Variants in ABCB5 observed in about 807,000 individuals in gnomAD.
The protein encoded by ABCB5 is ATP binding cassette subfamily B member 5.
In ABCB5, 155 loss-of-function variants were observed where a neutral mutation model predicts 144.2. That is an observed-to-expected ratio of 1.08 (90% CI 0.94 to 1.23). The LOEUF is 1.23. Among genes scored for constraint, ABCB5 ranks in the 50% most tolerant of loss-of-function variants. The pLI is 0.00. For missense variants in ABCB5, 1,830 were observed against 1,520.8 expected (o/e 1.20, Z -3.38); for synonymous variants, 610 against 528.6 (o/e 1.15, Z -2.11).
intron 13 of ABCB5, among the ~76,000 whole-genome samples, chr7:20,653,035 G>A (rs530136535): frequency 5.3e-4 from 81 of 152,220 alleles, no homozygotes; most frequent in African/African-American, 1.9e-3. Flanking sequence ...AAGATTTAAG[G>A]TGCTTCTTAA....
chr7:20,646,768 T>C (rs1293655463), intron 9 of ABCB5, among the ~76,000 whole-genome samples: 1 of 152,230 alleles, frequency 6.6e-6, no homozygotes, highest in Non-Finnish European at 1.5e-5. Flanking sequence ...TATACTTTGA[T>C]CCTTGTTTGG....
At chr7:20,726,625 C>T (rs1342317018) in intron 21 of ABCB5, among the ~76,000 whole-genome samples, 1 of 152,036 alleles carries the variant, frequency 6.6e-6, no homozygotes, top group African/African-American at 2.4e-5. Flanking sequence ...CCTTGGCCTC[C>T]CAAAGTACTG....
chr7:20,719,412 C>G (rs974966258), intron 20 of ABCB5, among the ~76,000 whole-genome samples: 1 of 152,184 alleles, frequency 6.6e-6, no homozygotes, highest in East Asian at 1.9e-4. Flanking sequence ...GACTCCTTTT[C>G]TATCTTGATA....
chr7:20,620,082 T>C (rs1783777342), intron 1 of ABCB5, among the ~76,000 whole-genome samples: 1 of 152,220 alleles, frequency 6.6e-6, no homozygotes, highest in South Asian at 2.1e-4. Context: ...AGCCTTATAG[T>C]ATACTTTGAA....
intron 7 of ABCB5, among the ~76,000 whole-genome samples, chr7:20,644,810 A>G (rs551588224): frequency 1.1e-4 from 16 of 152,340 alleles, no homozygotes; most frequent in African/African-American, 3.4e-4. Context: ...CTATTCTATA[A>G]TGGCTAATCC....
At chr7:20,650,228 T>A in intron 12 of ABCB5, 81 bp downstream of exon 12, 1 of 1,533,996 alleles carries the variant, frequency 6.5e-7, no homozygotes, top group Non-Finnish European at 8.8e-7. Context: ...CTGTAACTTT[T>A]CATTTTCAAC....
Position 20,739,072 on chromosome 7 carries a change from C to T in ABCB5, c.2957C>T (p.Ala986Val), listed in dbSNP as rs201974989. The change falls in exon 24 of 28, where the codon GCG (alanine) becomes GTG (valine). Residue 986 changes from alanine (A) to valine (V), a missense_variant. By Grantham distance (64) the Ala-to-Val change is moderately conservative. Coordinates refer to ENST00000404938, the MANE Select transcript of ABCB5 (RefSeq NM_001163941.2). ...PEYSKAKSGA[A>V]HLFALLEKKP... is the part of the protein sequence containing the mutation. Reference sequence around the variant, plus strand: ...TATTCCAAAGCCAAATCGGGGGCTGCGCATCTGTTTGCCTTGTTGGAAAAG... The same window carrying T: ...TATTCCAAAGCCAAATCGGGGGCTGTGCATCTGTTTGCCTTGTTGGAAAAG... 111 of 1,611,024 alleles carry T rather than the reference C, an allele frequency of 6.9e-5. No individual in the cohort carries two copies. Among genetic ancestry groups the T allele is most frequent in the Admixed American group, 1.0e-4 (6 of 59,576 alleles).
intron 3 of ABCB5, among the ~76,000 whole-genome samples, 182 bp downstream of exon 3, chr7:20,626,793 AG>A (rs1169317716): frequency 6.6e-6 from 1 of 152,058 alleles, no homozygotes; most frequent in Admixed American, 6.6e-5. Context: ...TTTACAATAA[AG>A]GATAGGGAAA....
rs756482069 is a variant in ABCB5 at position 20,755,618 on chromosome 7, G to A, written c.3768G>A (p.Val1256=). ...TTAAGTTAGTGAATGCACAGTCAGT[G>A]CAGTGATGCTGTTGAGGTAGCACAT... The part of the protein sequence containing the change: ...IYFKLVNAQS[V]Q Residue 1256 remains valine (V), a synonymous_variant, in exon 28 of 28, where the codon GTG becomes GTA. Coordinates refer to ENST00000404938, the MANE Select transcript of ABCB5 (RefSeq NM_001163941.2). 6.8e-6 allele frequency: 11 copies of A among 1,613,992 alleles called. No homozygotes were observed. The Admixed American group carries it at 1.7e-4, about 24-fold the overall frequency.
intron 20 of ABCB5, among the ~76,000 whole-genome samples, 198 bp from the exon 21 acceptor site, chr7:20,722,818 T>C (rs1358738401): frequency 1.3e-5 from 2 of 151,246 alleles, no homozygotes; most frequent in Admixed American, 6.6e-5. Flanking sequence ...TGGGACTCCA[T>C]CCCGGAAAAA....
intron 23 of ABCB5, among the ~76,000 whole-genome samples, chr7:20,737,842 T>C (rs1297589248): frequency 6.6e-6 from 1 of 152,260 alleles, no homozygotes; most frequent in African/African-American, 2.4e-5. Flanking sequence ...AATGGCATTT[T>C]GAGCTTTAAA....
At chr7:20,666,663 T>G in intron 14 of ABCB5, 1 of 1,454,112 alleles carries the variant, frequency 6.9e-7, no homozygotes, top group Non-Finnish European at 9.1e-7. Flanking sequence ...TGACCTTTGT[T>G]TGGTCAAATA....
chr7:20,731,244 C>A (rs893857374), intron 23 of ABCB5, among the ~76,000 whole-genome samples: 1 of 151,346 alleles, frequency 6.6e-6, no homozygotes, highest in Non-Finnish European at 1.5e-5. Context: ...ATCCCATCTA[C>A]TTGGGAGGTG....
At chr7:20,743,519 T>C (rs1782626186) in intron 25 of ABCB5, among the ~76,000 whole-genome samples, 1 of 152,190 alleles carries the variant, frequency 6.6e-6, no homozygotes, top group Admixed American at 6.5e-5. Context: ...CTTATTGGAA[T>C]CAGCTCCATG....
In ABCB5 at chr7:20,658,725, G is replaced by C. The variant is rs115925297; in HGVS notation, c.1707+49G>C. The C allele has an allele frequency of 1.9e-6, 3 of 1,592,366 alleles. No individual in the cohort carries two copies. In the African/African-American group the frequency reaches 4.1e-5, roughly 22 times the overall value. ...ATTTCCATACTCCTGGTTCATTATT[G>C]TTTTGAAGTACAAGAAAGTATAGAT... On this transcript the variant is annotated intron_variant, in intron 14 of 27. Transcript: ENST00000404938.
chr7:20,662,182 G>A (rs755312537), intron 14 of ABCB5, among the ~76,000 whole-genome samples: 11 of 152,134 alleles, frequency 7.2e-5, no homozygotes, highest in Non-Finnish European at 1.5e-4. Flanking sequence ...CCACATCAAT[G>A]GAGAACCTCT....
intron 14 of ABCB5, among the ~76,000 whole-genome samples, chr7:20,678,110 G>T (rs572271610): frequency 6.6e-6 from 1 of 152,198 alleles, no homozygotes; most frequent in Non-Finnish European, 1.5e-5. Flanking sequence ...AGTAAGAACA[G>T]GTACTATTAG....
At chr7:20,739,782 A>T (rs1420908354) in intron 24 of ABCB5, among the ~76,000 whole-genome samples, 1 of 152,064 alleles carries the variant, frequency 6.6e-6, no homozygotes, top group Admixed American at 6.6e-5. Flanking sequence ...ACCATTTTTC[A>T]TGGGAAATAT....
Position 20,740,154 on chromosome 7 carries a change from C to T in ABCB5, c.3024+1015C>T, listed in dbSNP as rs190908761. Among the ~76,000 whole-genome samples, 247 of 152,232 alleles carry T rather than the reference C, an allele frequency of 1.6e-3. 3 individuals are homozygous for T. Among genetic ancestry groups the T allele is most frequent in the African/African-American group, 5.4e-3 (223 of 41,548 alleles). ...ACTCGGGAGGGCGAGACAGGAGAATCGCTTGAACCCGGGAGGCGGAGGTTG... is the reference window on the plus strand; with the variant it reads ...ACTCGGGAGGGCGAGACAGGAGAATTGCTTGAACCCGGGAGGCGGAGGTTG... On this transcript the variant is annotated intron_variant, in intron 24 of 27. Transcript: ENST00000404938.
Sources: allele counts gnomAD v4.1 joint callset (sites outside exome capture counted in the v4.1 genomes callset), GRCh38; gene constraint gnomAD v4.1.1; transcripts MANE v1.5; gene names NCBI Gene and HGNC (gene_info 2026-07-23, HGNC 2026-07-21).